RALGPS2: variants seen among roughly 807,000 people sequenced by gnomAD.
RALGPS2 encodes ras-specific guanine nucleotide-releasing factor RalGPS2.
A neutral mutation model predicts 86.8 loss-of-function variants in RALGPS2; 43 were observed. That is an observed-to-expected ratio of 0.50 (90% CI 0.39 to 0.64). The LOEUF (loss-of-function observed/expected upper bound fraction) is 0.64. RALGPS2 is among the 30% of genes least tolerant of loss of function. The pLI is 0.00. For synonymous variants in RALGPS2, 243 were observed against 231.3 expected, an observed-to-expected ratio of 1.05 and a Z score of -0.46; for missense variants, 536 against 694.6, an observed-to-expected ratio of 0.77 and a Z score of 2.57.
intron 1 of RALGPS2, among the ~76,000 whole-genome samples, chr1:178,727,855 G>T (rs899164232): frequency 6.6e-6 from 1 of 152,152 alleles, no homozygotes; most frequent in Non-Finnish European, 1.5e-5. Context: ...TTTAAGCCCT[G>T]ATGGGGCTTA....
rs1199688143 is a variant in RALGPS2, at chr1:178,839,622, A to G, written c.607+6072A>G. On this transcript the variant is annotated intron_variant, in intron 8 of 19. Coordinates refer to ENST00000367635, the MANE Select transcript of RALGPS2 (RefSeq NM_152663.5). ...GCATCAACTAATGAGCAAAATAACC[A>G]GCGAACATCATAATGACAGGATCAA... Among the ~76,000 whole-genome samples, 2 of 152,178 alleles carry G rather than the reference A, an allele frequency of 1.3e-5. 1 individual carries two copies. Among genetic ancestry groups the G allele is most frequent in the African/African-American group, 4.8e-5 (2 of 41,416 alleles).
At chr1:178,810,963 T>A (rs1654948212) in intron 5 of RALGPS2, among the ~76,000 whole-genome samples, 1 of 152,212 alleles carries the variant, frequency 6.6e-6, no homozygotes, top group East Asian at 1.9e-4. Context: ...TGCCTTCTAA[T>A]AAATTAGTTT....
chr1:178,785,731 T>C, intron 4 of RALGPS2, 124 bp downstream of exon 4: 2 of 1,272,032 alleles, frequency 1.6e-6, no homozygotes. Flanking sequence ...TGTTGTAACT[T>C]ATCTACATAC....
intron 7 of RALGPS2, among the ~76,000 whole-genome samples, chr1:178,831,013 G>C (rs571117363): frequency 1.9e-3 from 292 of 152,294 alleles, no homozygotes; most frequent in Middle Eastern, 3.4e-3. Flanking sequence ...CATGGATGAA[G>C]CTTTAATATC....
At chr1:178,884,213 T>G (rs776849602) in intron 11 of RALGPS2, among the ~76,000 whole-genome samples, 1 of 152,150 alleles carries the variant, frequency 6.6e-6, no homozygotes, top group East Asian at 1.9e-4. Context: ...TAGAAGTCAA[T>G]TTTAGTGACG....
intron 1 of RALGPS2, among the ~76,000 whole-genome samples, chr1:178,769,947 TG>T (rs1353862964): frequency 6.6e-6 from 1 of 152,072 alleles, no homozygotes; most frequent in Non-Finnish European, 1.5e-5. Flanking sequence ...TCCCAGGCTC[TG>T]GGTGTCGTTT....
chr1:178,810,090 A>AT (rs1487829419), intron 5 of RALGPS2, among the ~76,000 whole-genome samples: 1 of 152,012 alleles, frequency 6.6e-6, no homozygotes, highest in Non-Finnish European at 1.5e-5. Flanking sequence ...TAAAAAAAAA[A>AT]AAAGTCACGT....
intron 5 of RALGPS2, among the ~76,000 whole-genome samples, chr1:178,810,452 G>A (rs77423207): frequency 0.044 from 6,645 of 151,546 alleles, 250 homozygotes; most frequent in African/African-American, 0.1. Flanking sequence ...TAATTAAGTT[G>A]GTGAACATGC....
intron 5 of RALGPS2, among the ~76,000 whole-genome samples, chr1:178,810,223 A>T (rs1329810968): frequency 2.6e-5 from 4 of 151,968 alleles, no homozygotes; most frequent in East Asian, 1.9e-4. Context: ...GTCTCAATTT[A>T]AAAAAATACA....
intron 8 of RALGPS2, among the ~76,000 whole-genome samples, chr1:178,859,386 A>G (rs979362055): frequency 2.7e-5 from 4 of 150,750 alleles, no homozygotes; most frequent in Admixed American, 1.3e-4. Context: ...TCTAATGACT[A>G]CTTTCCAAGT....
chr1:178,768,896 A>G (rs1373813985), intron 1 of RALGPS2, among the ~76,000 whole-genome samples: 1 of 152,174 alleles, frequency 6.6e-6, no homozygotes, highest in Non-Finnish European at 1.5e-5. Flanking sequence ...GGTGCTCCAG[A>G]TGCTTGGAGA....
At chr1:178,785,320 A>T (rs1001083359) in intron 3 of RALGPS2, among the ~76,000 whole-genome samples, 7 of 151,978 alleles carry the variant, frequency 4.6e-5, no homozygotes, top group African/African-American at 1.7e-4. Context: ...CCAAATTTTT[A>T]AAATTATTTT....
intron 1 of RALGPS2, chr1:178,747,716 A>T (rs1651416083): frequency 1.5e-6 from 2 of 1,336,136 alleles, no homozygotes; most frequent in Admixed American, 3.4e-5. Context: ...GATGCTGAGC[A>T]TCCAACTCCT....
At chr1:178,839,055 CAGGG>C (rs1476567856) in intron 8 of RALGPS2, among the ~76,000 whole-genome samples, 2 of 152,138 alleles carry the variant, frequency 1.3e-5, no homozygotes, top group Non-Finnish European at 2.9e-5. Flanking sequence ...CCGAAAGTGA[CAGGG>C]AGAATGGAAC....
chr1:178,885,682 A>C (rs1447110363), intron 12 of RALGPS2: 1 of 239,432 alleles, frequency 4.2e-6, no homozygotes, highest in African/African-American at 2.2e-5. Flanking sequence ...TTTTGCCATG[A>C]TTTCTCTGGA....
chr1:178,893,986 A>G lies in RALGPS2; in HGVS notation c.1393A>G (p.Arg465Gly). Residue 465 changes from arginine (R) to glycine (G), a missense_variant, in exon 16 of 20, where the codon AGG becomes GGG. By Grantham distance (125) the Arg-to-Gly change is moderately radical. This residue lies in a region of RALGPS2 where 309 missense variants were observed against 363.0 expected (regional missense o/e 0.85). Coordinates refer to ENST00000367635, the MANE Select transcript of RALGPS2 (RefSeq NM_152663.5). ...PGAVTIQGVL[R>G]RKTLLKEGKK... ...AGCTGTTACTATTCAAGGTGTTCTC[A>G]GGAGAAAAACTTTGTTAAAAGAAGG... 1 of 1,607,384 alleles carries G rather than the reference A, an allele frequency of 6.2e-7. No individual in the cohort carries two copies. The highest frequency in any genetic ancestry group is 2.2e-5 in the East Asian group (1 of 44,662).
chr1:178,799,914 G>C (rs1261244034), intron 4 of RALGPS2, among the ~76,000 whole-genome samples: 1 of 152,142 alleles, frequency 6.6e-6, no homozygotes, highest in Admixed American at 6.5e-5. Flanking sequence ...GGAGAAAACT[G>C]TGTCCAGATG....
rs557292905 is a variant in RALGPS2, at chr1:178,858,758, T to C, written c.608-18740T>C. On this transcript the variant is annotated intron_variant, in intron 8 of 19. Transcript: ENST00000367635. ...ATTTATTAAGAACCCATATTTTGAA[T>C]AGAACAGTGAGTTAAAAAAGAAAAA... 2.6e-5 allele frequency among the ~76,000 whole-genome samples: 4 copies of C among 152,272 alleles called. No individual in the cohort carries two copies. In the East Asian group the frequency reaches 7.7e-4, roughly 29 times the overall value.
In RALGPS2 at chr1:178,891,890, G is replaced by A. The variant is rs186601326; in HGVS notation, c.1248-340G>A. On this transcript the variant is annotated intron_variant, in intron 14 of 19. Coordinates refer to ENST00000367635, the MANE Select transcript of RALGPS2 (RefSeq NM_152663.5). ...AGAATCCAAGAAGTGGTATAGAAAC[G>A]TAAGAATTTTTGAAGTATTTTTGAG... 3.2e-3 allele frequency among the ~76,000 whole-genome samples: 470 copies of A among 147,398 alleles called. 2 individuals are homozygous for A. Among genetic ancestry groups the A allele is most frequent in the African/African-American group, 0.012 (449 of 38,916 alleles).
Sources: allele counts gnomAD v4.1 joint callset (sites outside exome capture counted in the v4.1 genomes callset), GRCh38; gene constraint gnomAD v4.1.1; regional missense constraint gnomAD v4.1.1; transcripts MANE v1.5; gene names NCBI Gene and HGNC (gene_info 2026-07-23, HGNC 2026-07-21).